ABTB3: variants seen among roughly 807,000 people sequenced by gnomAD.
ABTB3 encodes the protein ankyrin repeat and BTB domain containing 3.
the ABTB3 span, among the ~76,000 whole-genome samples, chr12:107,608,953 AAAT>A: frequency 0.057 from 4,452 of 78,620 alleles, 195 homozygotes; most frequent in African/African-American, 0.07. Flanking sequence ...AAATAAAATA[AAAT>A]ATAAAATAAA....
At chr12:107,556,020 T>C in the ABTB3 span, among the ~76,000 whole-genome samples, 4 of 152,218 alleles carry the variant, frequency 2.6e-5, no homozygotes, top group Admixed American at 6.5e-5. Flanking sequence ...CAGGTGTTTA[T>C]GATGTGTCAG....
chr12:107,584,707 C>T, the ABTB3 span, among the ~76,000 whole-genome samples: 95 of 152,262 alleles, frequency 6.2e-4, no homozygotes, highest in East Asian at 0.013. Flanking sequence ...GGATACCAGC[C>T]GGGACAGAGA....
At chr12:107,601,216 A>T in the ABTB3 span, among the ~76,000 whole-genome samples, 1 of 149,956 alleles carries the variant, frequency 6.7e-6, no homozygotes, top group Admixed American at 6.6e-5. Flanking sequence ...CCTGCCCAAG[A>T]TCCCTTAGCA....
At chr12:107,536,361 C>G in the ABTB3 span, among the ~76,000 whole-genome samples, 1 of 152,006 alleles carries the variant, frequency 6.6e-6, no homozygotes, top group South Asian at 2.1e-4. Context: ...TTCAAAAGTA[C>G]AGGCAACAAA....
At chr12:107,459,138 C>T in the ABTB3 span, among the ~76,000 whole-genome samples, 28 of 152,216 alleles carry the variant, frequency 1.8e-4, no homozygotes, top group Admixed American at 1.8e-3. Context: ...CCCTGCCCCC[C>T]ACAACCCTAT....
chr12:107,572,801 T>G, the ABTB3 span, among the ~76,000 whole-genome samples: 1 of 152,162 alleles, frequency 6.6e-6, no homozygotes, highest in Admixed American at 6.5e-5. Flanking sequence ...TGTAGCTGTT[T>G]GCAGGCAGGG....
At chr12:107,552,185 T>C in the ABTB3 span, among the ~76,000 whole-genome samples, 1 of 152,248 alleles carries the variant, frequency 6.6e-6, no homozygotes, top group African/African-American at 2.4e-5. Context: ...AAGGAATACT[T>C]GAACCTTTGG....
At chr12:107,523,741 G>A in the ABTB3 span, among the ~76,000 whole-genome samples, 1 of 152,174 alleles carries the variant, frequency 6.6e-6, no homozygotes, top group Non-Finnish European at 1.5e-5. Context: ...AGAGGCAGAA[G>A]GTCCAAGCAG....
the ABTB3 span, among the ~76,000 whole-genome samples, chr12:107,639,561 T>C: frequency 6.6e-6 from 1 of 152,088 alleles, no homozygotes; most frequent in Non-Finnish European, 1.5e-5. Flanking sequence ...GGGGTGATGA[T>C]GGATATTCTC....
chr12:107,469,866 T>TTTCTTTCTTTC, the ABTB3 span, among the ~76,000 whole-genome samples: 16 of 75,576 alleles, frequency 2.1e-4, 1 homozygote, highest in South Asian at 1.6e-3. Flanking sequence ...TCTTTCTTTC[T>TTTCTTTCTTTC]TTTCTTTCTT....
the ABTB3 span, among the ~76,000 whole-genome samples, chr12:107,392,224 C>T: frequency 5.3e-5 from 8 of 152,160 alleles, no homozygotes; most frequent in South Asian, 6.2e-4. Context: ...GGGTCCCTGC[C>T]GTGAGCTAGC....
At chr12:107,648,538 G>A in the ABTB3 span, among the ~76,000 whole-genome samples, 1 of 152,164 alleles carries the variant, frequency 6.6e-6, no homozygotes, top group Admixed American at 6.6e-5. Context: ...AGGGACACCA[G>A]TTTGCAAAGC....
chr12:107,520,231 C>A, the ABTB3 span: 2 of 985,252 alleles, frequency 2.0e-6, no homozygotes, highest in African/African-American at 3.5e-5. Context: ...GTTTTGTGTT[C>A]TTTGGAAATG....
chr12:107,657,411 C>T, the ABTB3 span: 2 of 1,033,748 alleles, frequency 1.9e-6, no homozygotes. Flanking sequence ...AGCCAGTCTT[C>T]CTTAGCAGGT....
the ABTB3 span, among the ~76,000 whole-genome samples, chr12:107,454,535 C>A: frequency 5.9e-5 from 9 of 152,186 alleles, no homozygotes; most frequent in Non-Finnish European, 1.5e-5. Flanking sequence ...TCAGCAGGGA[C>A]AGGCTGTGTG....
At chr12:107,364,019 A>G in the ABTB3 span, among the ~76,000 whole-genome samples, 1 of 152,144 alleles carries the variant, frequency 6.6e-6, no homozygotes, top group African/African-American at 2.4e-5. Flanking sequence ...TATTGTGAGG[A>G]TTTTGTTACG....
At chr12:107,600,102 GTC>G in the ABTB3 span, among the ~76,000 whole-genome samples, 1 of 152,158 alleles carries the variant, frequency 6.6e-6, no homozygotes, top group East Asian at 1.9e-4. Flanking sequence ...ACTCCTCTGA[GTC>G]TCTGTTTCCT....
At chr12:107,628,895 C>A in the ABTB3 span, among the ~76,000 whole-genome samples, 1 of 152,166 alleles carries the variant, frequency 6.6e-6, no homozygotes, top group Non-Finnish European at 1.5e-5. Context: ...GAACTAGGAC[C>A]CCCTCCATCT....
the ABTB3 span, among the ~76,000 whole-genome samples, chr12:107,631,037 A>G: frequency 3.9e-4 from 60 of 152,272 alleles, no homozygotes; most frequent in African/African-American, 1.4e-3. Flanking sequence ...AATTGAATCC[A>G]TCACCCAGAT....
Sources: gnomAD v4.1 joint callset for allele counts (sites outside exome capture counted in the v4.1 genomes callset) on GRCh38, gnomAD v4.1.1 for gene constraint, MANE v1.5 for transcripts, NCBI Gene and HGNC (gene_info 2026-07-23, HGNC 2026-07-21) for gene names.